ZNF638: variants seen among roughly 807,000 people sequenced by gnomAD.
The protein encoded by ZNF638 is CTCL tumor antigen se33-1.
In ZNF638, 46 loss-of-function variants were observed where a neutral mutation model predicts 195.6. That is an observed-to-expected ratio of 0.24 (90% confidence interval 0.19 to 0.30). The LOEUF (loss-of-function observed/expected upper bound fraction) is 0.30, where lower values mean the gene tolerates loss of function less well. Among genes scored for constraint, ZNF638 ranks in the 10% least tolerant of loss-of-function variants. The pLI is 1.00. For missense variants in ZNF638, 2,440 were observed against 2,325.3 expected (o/e 1.05, Z -1.01); for synonymous variants, 845 against 772.0 (o/e 1.09, Z -1.57).
Position 71,427,133 on chromosome 2 carries a change from C to T in ZNF638, c.5264C>T (p.Thr1755Ile), listed in dbSNP as rs765662083. 1.2e-6 allele frequency: 2 copies of T among 1,613,968 alleles called. No individual in the cohort carries two copies. Among genetic ancestry groups the T allele is most frequent in the Non-Finnish European group, 1.7e-6 (2 of 1,179,958 alleles). The change falls in exon 24 of 28, where the codon ACT (threonine) becomes ATT (isoleucine). Residue 1755 changes from threonine (T) to isoleucine (I), a missense_variant. Thr to Ile is a moderately conservative substitution (Grantham distance 89). Around this residue, in one of 5 missense-constraint regions of ZNF638, gnomAD observed 1,883 missense variants for 1,739.1 expected, o/e 1.08. Transcript: ENST00000264447. Reference protein sequence around the residue: ...DLHLVTLDEVTEEDEDSLADF... With the variant: ...DLHLVTLDEVIEEDEDSLADF... Reference sequence around the variant, plus strand: ...CATTTAGTGACTTTGGATGAAGTAACTGAAGAGGATGAAGACTCTCTGGCG... The same window carrying T: ...CATTTAGTGACTTTGGATGAAGTAATTGAAGAGGATGAAGACTCTCTGGCG...
chr2:71,335,465 G>A (rs1191258647), intron 1 of ZNF638, among the ~76,000 whole-genome samples: 1 of 151,944 alleles, frequency 6.6e-6, no homozygotes. Flanking sequence ...TTCCACAGTC[G>A]GTTAAACTTT....
chr2:71,420,251 T>G (rs1184665899), intron 21 of ZNF638, among the ~76,000 whole-genome samples: 1 of 152,040 alleles, frequency 6.6e-6, no homozygotes, highest in Non-Finnish European at 1.5e-5. Flanking sequence ...TGCCAATTCA[T>G]TATGAATATG....
At chr2:71,335,114 GC>G (rs924064491) in intron 1 of ZNF638, among the ~76,000 whole-genome samples, 3 of 152,140 alleles carry the variant, frequency 2.0e-5, no homozygotes, top group African/African-American at 7.2e-5. Flanking sequence ...ATGGTTCCCT[GC>G]GGCCTCTACC....
At chr2:71,427,534 C>T (rs2080563792) in intron 24 of ZNF638, 120 bp downstream of exon 24, 1 of 667,550 alleles carries the variant, frequency 1.5e-6, no homozygotes, top group Non-Finnish European at 2.3e-6. Flanking sequence ...TAGAGGCCAA[C>T]AGACAGTTAA....
At chr2:71,339,275 C>T (rs925765107) in intron 1 of ZNF638, among the ~76,000 whole-genome samples, 1 of 152,112 alleles carries the variant, frequency 6.6e-6, no homozygotes, top group South Asian at 2.1e-4. Context: ...GCCTCAGCCT[C>T]CTGAGTGGCT....
intron 10 of ZNF638, among the ~76,000 whole-genome samples, chr2:71,389,778 A>G (rs1334425973): frequency 1.3e-5 from 2 of 152,234 alleles, no homozygotes; most frequent in African/African-American, 4.8e-5. Context: ...CGGTTAACCC[A>G]GGCAATTAAG....
chr2:71,365,640 T>C lies in ZNF638; in HGVS notation c.1929T>C (p.Asn643=). The C allele has an allele frequency of 6.2e-7, 1 of 1,614,138 alleles. No individual in the cohort carries two copies. ...ATTCTATTCGTTGTAAATCAAAGAA[T>C]CTTGAAGATGACACTTTGTCAGAAT... ...GGHSIRCKSK[N]LEDDTLSECK... Residue 643 remains asparagine (N), a synonymous_variant, in exon 6 of 28, where the codon AAT becomes AAC. Transcript: ENST00000264447.
At chr2:71,406,947 C>T (rs2080117433) in intron 19 of ZNF638, among the ~76,000 whole-genome samples, 1 of 152,208 alleles carries the variant, frequency 6.6e-6, no homozygotes, top group South Asian at 2.1e-4. Flanking sequence ...CTGTAGTGAG[C>T]TGTGTTCACG....
chr2:71,336,678 G>A (rs985344453), intron 1 of ZNF638, among the ~76,000 whole-genome samples: 1 of 152,094 alleles, frequency 6.6e-6, no homozygotes, highest in African/African-American at 2.4e-5. Flanking sequence ...AACAGGCTTG[G>A]ATTAACCAGC....
intron 8 of ZNF638, among the ~76,000 whole-genome samples, chr2:71,371,819 C>T (rs2104308407): frequency 6.6e-6 from 1 of 150,636 alleles, no homozygotes; most frequent in South Asian, 2.1e-4. Context: ...GTTATTAATC[C>T]CTTGTCAGAT....
Position 71,424,746 on chromosome 2 carries a change from C to G in ZNF638, c.4590+31C>G, listed in dbSNP as rs913155853. 7 of 1,529,816 alleles carry G rather than the reference C, an allele frequency of 4.6e-6. No individual in the cohort carries two copies. The African/African-American group carries it at 6.9e-5, about 15-fold the overall frequency. 94.8% of individuals were successfully genotyped at this position (1,529,816 alleles called of 1,614,324 possible). ...AAATAGATCACAGACCCTAACCCTTCTTTTTCATCTCCATAGCACAGTTCA... is the reference window on the plus strand; with the variant it reads ...AAATAGATCACAGACCCTAACCCTTGTTTTTCATCTCCATAGCACAGTTCA... On this transcript the variant is annotated intron_variant, in intron 23 of 27. Coordinates refer to ENST00000264447, the MANE Select transcript of ZNF638 (RefSeq NM_014497.5).
At chr2:71,359,795 C>T (rs2079079241) in intron 3 of ZNF638, among the ~76,000 whole-genome samples, 1 of 152,142 alleles carries the variant, frequency 6.6e-6, no homozygotes, top group Non-Finnish European at 1.5e-5. Context: ...ACTCATTCCT[C>T]CATTGATGTA....
At chr2:71,404,510 G>A (rs1405554722) in intron 17 of ZNF638, among the ~76,000 whole-genome samples, 1 of 152,030 alleles carries the variant, frequency 6.6e-6, no homozygotes, top group African/African-American at 2.4e-5. Context: ...AGGACTTCAG[G>A]ACCCAAGACC....
chr2:71,336,670 C>G (rs1021427463), intron 1 of ZNF638, among the ~76,000 whole-genome samples: 1 of 152,098 alleles, frequency 6.6e-6, no homozygotes, highest in African/African-American at 2.4e-5. Flanking sequence ...CAGGATGAAA[C>G]AGGCTTGGAT....
At chr2:71,385,924 G>A (rs1379771728) in intron 10 of ZNF638, among the ~76,000 whole-genome samples, 6 of 151,942 alleles carry the variant, frequency 3.9e-5, no homozygotes, top group Admixed American at 2.6e-4. Flanking sequence ...GTGTCTGCGA[G>A]CACTTTGAAT....
At chr2:71,366,384 G>T (rs917190243) in intron 6 of ZNF638, among the ~76,000 whole-genome samples, 1 of 151,824 alleles carries the variant, frequency 6.6e-6, no homozygotes, top group African/African-American at 2.4e-5. Context: ...AAATGAAGTT[G>T]TCTTAACTTT....
intron 17 of ZNF638, 145 bp from the exon 18 acceptor site, chr2:71,405,456 A>G: frequency 1.8e-6 from 1 of 560,880 alleles, no homozygotes; most frequent in African/African-American, 2.0e-5. Flanking sequence ...TTTTGGAAAG[A>G]ATGTAAATCT....
intron 10 of ZNF638, chr2:71,395,656 C>G (rs1262321549): frequency 5.8e-6 from 3 of 518,022 alleles, no homozygotes; most frequent in Non-Finnish European, 1.1e-5. Context: ...GTCATTAAAT[C>G]TGTACTGAAT....
rs1047278280 is a variant in ZNF638, at chr2:71,364,194, A to G, written c.1659A>G (p.Pro553=). The change falls in exon 5 of 28, where the codon CCA becomes CCG. Residue 553 remains proline (P), a synonymous_variant. Transcript: ENST00000264447. ...YRIRNPFRGS[P]KCFRSVSPER... is the part of the protein sequence containing the mutation. ...TTAGAAATCCATTTAGAGGTAGTCCAAAATGCTTTCGATCAGTTAGCCCTG... is the reference window on the plus strand; with the variant it reads ...TTAGAAATCCATTTAGAGGTAGTCCGAAATGCTTTCGATCAGTTAGCCCTG... 8.7e-6 allele frequency: 14 copies of G among 1,614,114 alleles called. No individual in the cohort carries two copies. In the African/African-American group the frequency reaches 1.7e-4, roughly 20 times the overall value.
Sources: gnomAD v4.1 joint callset for allele counts (sites outside exome capture counted in the v4.1 genomes callset) on GRCh38, gnomAD v4.1.1 for gene constraint, gnomAD v4.1.1 regional missense constraint, MANE v1.5 for transcripts, NCBI Gene and HGNC (gene_info 2026-07-23, HGNC 2026-07-21) for gene names.